The following MARCHF1 variants were observed in gnomAD, a reference collection of about 807,000 sequenced individuals.
MARCHF1 encodes the protein E3 ubiquitin-protein ligase MARCHF1.
In MARCHF1, 40 loss-of-function variants were observed where a neutral mutation model predicts 54.2. The ratio of observed to expected loss-of-function variants is 0.74; its 90% CI spans 0.57 to 0.96. The LOEUF (loss-of-function observed/expected upper bound fraction) is 0.96. Ranked by LOEUF, MARCHF1 falls within the 40% of genes least tolerant of loss-of-function variation. The pLI is 0.00. For synonymous variants in MARCHF1, 236 were observed against 236.3 expected, an observed-to-expected ratio of 1.00 and a Z score of 0.01; for missense variants, 586 against 656.5, an observed-to-expected ratio of 0.89 and a Z score of 1.17.
chr4:164,235,395 C>T (rs1418637408), intron 1 of MARCHF1, among the ~76,000 whole-genome samples: 1 of 152,002 alleles, frequency 6.6e-6, no homozygotes, highest in Non-Finnish European at 1.5e-5. Flanking sequence ...TTATTGAACC[C>T]AAACTGAAAT....
intron 5 of MARCHF1, among the ~76,000 whole-genome samples, chr4:163,644,947 T>C (rs1017822535): frequency 6.6e-6 from 1 of 152,142 alleles, no homozygotes; most frequent in African/African-American, 2.4e-5. Context: ...AGAGATAGGC[T>C]GAATGACTTT....
intron 3 of MARCHF1, among the ~76,000 whole-genome samples, chr4:163,940,250 A>G (rs980826319): frequency 1.3e-5 from 2 of 152,162 alleles, no homozygotes. Flanking sequence ...GTTCTATTAT[A>G]TAATGGCAGT....
At chr4:164,080,975 G>A (rs964424943) in intron 2 of MARCHF1, among the ~76,000 whole-genome samples, 24 of 150,780 alleles carry the variant, frequency 1.6e-4, no homozygotes, top group Non-Finnish European at 3.0e-5. Flanking sequence ...TTGGGAGGCC[G>A]AGGCGGGTGG....
At chr4:163,905,957 A>G (rs1007377740) in intron 3 of MARCHF1, among the ~76,000 whole-genome samples, 2 of 152,068 alleles carry the variant, frequency 1.3e-5, no homozygotes, top group Non-Finnish European at 2.9e-5. Context: ...GTTTCCATAT[A>G]TTTCTCTGTT....
chr4:164,254,884 C>T (rs1332520633), intron 1 of MARCHF1, among the ~76,000 whole-genome samples: 3 of 152,174 alleles, frequency 2.0e-5, no homozygotes, highest in East Asian at 1.9e-4. Context: ...CTTTTGGCAA[C>T]GCCCACACAG....
intron 1 of MARCHF1, among the ~76,000 whole-genome samples, chr4:164,220,311 G>T (rs1352758410): frequency 2.8e-5 from 4 of 143,276 alleles, no homozygotes; most frequent in Admixed American, 7.1e-5. Flanking sequence ...AATATATATA[G>T]GAATTCATAT....
chr4:163,625,585 C>T (rs1431095410), intron 5 of MARCHF1, among the ~76,000 whole-genome samples: 10 of 152,196 alleles, frequency 6.6e-5, no homozygotes, highest in Admixed American at 6.5e-4. Context: ...ATGACAATCG[C>T]ATCACAGCGA....
intron 4 of MARCHF1, among the ~76,000 whole-genome samples, chr4:163,808,906 G>T (rs750799224): frequency 2.0e-5 from 3 of 152,152 alleles, no homozygotes; most frequent in Non-Finnish European, 4.4e-5. Flanking sequence ...TATTTGAGGA[G>T]AAAATAAGAT....
At chr4:163,572,503 A>G (rs1037666881) in intron 8 of MARCHF1, among the ~76,000 whole-genome samples, 8 of 152,060 alleles carry the variant, frequency 5.3e-5, no homozygotes, top group Non-Finnish European at 7.4e-5. Context: ...CTGGCCTCCT[A>G]GTCAGAAGTA....
At chr4:163,877,998 T>C (rs992874709) in intron 3 of MARCHF1, among the ~76,000 whole-genome samples, 3 of 152,280 alleles carry the variant, frequency 2.0e-5, no homozygotes, top group African/African-American at 7.2e-5. Context: ...CAAACATGGA[T>C]TCGTGAGACG....
intron 1 of MARCHF1, among the ~76,000 whole-genome samples, chr4:164,113,787 A>T (rs994723904): frequency 6.6e-6 from 1 of 151,980 alleles, no homozygotes; most frequent in Non-Finnish European, 1.5e-5. Context: ...GACTCATTGC[A>T]TATTATTTTG....
intron 9 of MARCHF1, among the ~76,000 whole-genome samples, chr4:163,541,785 A>G (rs1001366608): frequency 6.6e-6 from 1 of 152,134 alleles, no homozygotes; most frequent in Non-Finnish European, 1.5e-5. Context: ...AAGTTAGGCA[A>G]TTTTTTCCCA....
intron 1 of MARCHF1, among the ~76,000 whole-genome samples, chr4:164,267,020 A>G (rs960531188): frequency 2.6e-5 from 4 of 152,222 alleles, no homozygotes; most frequent in Non-Finnish European, 4.4e-5. Context: ...ACAGTCCAAC[A>G]TTCACAGAGT....
At chr4:163,751,729 A>C (rs1194657599) in intron 4 of MARCHF1, among the ~76,000 whole-genome samples, 1 of 152,120 alleles carries the variant, frequency 6.6e-6, no homozygotes, top group Non-Finnish European at 1.5e-5. Flanking sequence ...TGAAAGACAC[A>C]ATATTGAAGG....
At chr4:164,086,705 T>C (rs1181935615) in intron 2 of MARCHF1, among the ~76,000 whole-genome samples, 1 of 152,162 alleles carries the variant, frequency 6.6e-6, no homozygotes, top group South Asian at 2.1e-4. Context: ...AAGAAATTAA[T>C]GGACATTAAA....
chr4:164,351,311 G>A (rs1254608514), intron 1 of MARCHF1, among the ~76,000 whole-genome samples: 1 of 151,090 alleles, frequency 6.6e-6, no homozygotes, highest in Non-Finnish European at 1.5e-5. Context: ...TGGGGGCAGG[G>A]CACAGTCAAA....
intron 1 of MARCHF1, among the ~76,000 whole-genome samples, chr4:164,355,863 T>G (rs1423393758): frequency 8.4e-6 from 1 of 118,790 alleles, no homozygotes; most frequent in African/African-American, 2.9e-5. Context: ...CACAACCTAC[T>G]CATCTGACAA....
chr4:164,216,787 A>G (rs1356696416), intron 1 of MARCHF1, among the ~76,000 whole-genome samples: 1 of 152,180 alleles, frequency 6.6e-6, no homozygotes, highest in Non-Finnish European at 1.5e-5. Flanking sequence ...GCTCTACTGG[A>G]GTCTTTGTTA....
At chr4:163,922,342 A>G (rs893002735) in intron 3 of MARCHF1, among the ~76,000 whole-genome samples, 6 of 152,114 alleles carry the variant, frequency 3.9e-5, no homozygotes, top group Admixed American at 6.6e-5. Flanking sequence ...GTGCACATGT[A>G]CCCTAGAACT....
Sources: allele counts gnomAD v4.1 joint callset (sites outside exome capture counted in the v4.1 genomes callset), GRCh38; gene constraint gnomAD v4.1.1; transcripts MANE v1.5; gene names NCBI Gene and HGNC (gene_info 2026-07-23, HGNC 2026-07-21).